The following RPS6KA3 variants were observed in gnomAD, a reference collection of about 807,000 sequenced individuals.
The protein encoded by RPS6KA3 is ribosomal protein S6 kinase alpha-3.
In RPS6KA3, 4 loss-of-function variants were observed where a neutral mutation model predicts 67.2. That is an observed-to-expected ratio of 0.06 (90% CI 0.03 to 0.14). The LOEUF is 0.14. RPS6KA3 is among the 10% of genes least tolerant of loss of function. RPS6KA3 has a pLI of 1.00. For missense variants in RPS6KA3, 204 were observed against 559.0 expected (o/e 0.36, Z 6.40); for synonymous variants, 182 against 183.7 (o/e 0.99, Z 0.07).
chrX:20,186,605 T>C (rs1345906737), intron 9 of RPS6KA3, among the ~76,000 whole-genome samples: 2 of 109,398 alleles, frequency 1.8e-5, no homozygotes, highest in African/African-American at 3.3e-5. Flanking sequence ...ATTTTATTTT[T>C]TTTTTGAGAC....
intron 2 of RPS6KA3, among the ~76,000 whole-genome samples, chrX:20,224,663 G>A (rs2069067153): frequency 9.0e-6 from 1 of 111,340 alleles, no homozygotes; most frequent in Admixed American, 9.6e-5. Context: ...AAAAGCCTAA[G>A]GTTTTAAACC....
intron 1 of RPS6KA3, among the ~76,000 whole-genome samples, chrX:20,265,146 G>T (rs2070339136): frequency 4.5e-5 from 5 of 111,578 alleles, no homozygotes; most frequent in Non-Finnish European, 9.4e-5. Flanking sequence ...GGTTTTACAA[G>T]TATGATCCAA....
At chrX:20,204,299 A>T (rs1340670778) in intron 3 of RPS6KA3, among the ~76,000 whole-genome samples, 196 bp from the exon 4 acceptor site, 2 of 112,159 alleles carry the variant, frequency 1.8e-5, no homozygotes. Flanking sequence ...ATATAAGGGA[A>T]TACATTTTTT....
chrX:20,228,382 T>C (rs1318341610), intron 2 of RPS6KA3, among the ~76,000 whole-genome samples: 1 of 111,689 alleles, frequency 9.0e-6, no homozygotes, highest in Non-Finnish European at 1.9e-5. Flanking sequence ...TGACATTTCT[T>C]CAGTCACAAC....
Position 20,266,860 on chromosome X carries a change from C to G in RPS6KA3, c.-228G>C. On this transcript the variant is annotated 5_prime_UTR_variant, in exon 1 of 22. Coordinates refer to ENST00000379565, the MANE Select transcript of RPS6KA3 (RefSeq NM_004586.3). ...GCGCCTGGCCAGAGACGCCCGCGCG[C>G]TGAGCGAGAGCCTCGCGCCTCCGCT... 2.2e-6 allele frequency: 1 copy of G among 453,368 alleles called. No homozygotes were observed. Among genetic ancestry groups the G allele is most frequent in the Non-Finnish European group, 2.7e-6 (1 of 363,819 alleles). The allele number at this position is 453,368 out of a possible 1,213,427, so 37.4% of individuals were successfully genotyped here.
At chrX:20,256,394 C>A (rs1345782690) in intron 1 of RPS6KA3, among the ~76,000 whole-genome samples, 5 of 110,112 alleles carry the variant, frequency 4.5e-5, no homozygotes, top group African/African-American at 6.6e-5. Context: ...AAAGAGGATG[C>A]AAAGATAGAG....
intron 1 of RPS6KA3, among the ~76,000 whole-genome samples, chrX:20,251,394 G>A (rs2069861121): frequency 8.9e-6 from 1 of 112,693 alleles, no homozygotes; most frequent in African/African-American, 3.2e-5. Context: ...CTCTTGCCTT[G>A]GCCTCCCAAA....
Position 20,155,305 on chromosome X carries a change from T to C in RPS6KA3, c.*93A>G. 1.0e-6 allele frequency: 1 copy of C among 992,367 alleles called. No individual in the cohort carries two copies. The highest frequency in any genetic ancestry group is 1.4e-6 in the Non-Finnish European group (1 of 696,318). 81.8% of individuals were successfully genotyped at this position (992,367 alleles called of 1,213,427 possible). A position where few individuals can be genotyped will look rare whatever the true frequency, so the allele number is the denominator to read the frequency against. ...TATGGGTACCAGCTGGGACAGTGTGTGCTTGCAGGTGTCTCTCAGATACGT... is the reference window on the plus strand; with the variant it reads ...TATGGGTACCAGCTGGGACAGTGTGCGCTTGCAGGTGTCTCTCAGATACGT... On this transcript the variant is annotated 3_prime_UTR_variant, in exon 22 of 22. Transcript: ENST00000379565.
At chrX:20,245,710 T>C (rs952765223) in intron 1 of RPS6KA3, among the ~76,000 whole-genome samples, 4 of 111,797 alleles carry the variant, frequency 3.6e-5, no homozygotes, top group Non-Finnish European at 7.5e-5. Context: ...ATGGTTCCTG[T>C]TAAAGATATA....
chrX:20,251,453 G>GT (rs1345760594), intron 1 of RPS6KA3, among the ~76,000 whole-genome samples: 2 of 112,597 alleles, frequency 1.8e-5, no homozygotes, highest in Admixed American at 9.3e-5. Flanking sequence ...GATTACAGGC[G>GT]TAAGTCTCCC....
chrX:20,242,424 TGA>T (rs1246806295), intron 1 of RPS6KA3, among the ~76,000 whole-genome samples: 1 of 111,697 alleles, frequency 9.0e-6, no homozygotes, highest in Non-Finnish European at 1.9e-5. Context: ...CCTAAGAACA[TGA>T]GTCAGGTATA....
chrX:20,266,987 G>T (rs1236281162), upstream of RPS6KA3: 8 of 750,015 alleles, frequency 1.1e-5, no homozygotes, highest in Admixed American at 1.8e-4. Context: ...GCAGAACAGC[G>T]ACCGCCGCGC....
chrX:20,155,873 T>G (rs935898159), intron 21 of RPS6KA3, among the ~76,000 whole-genome samples: 22 of 112,350 alleles, frequency 2.0e-4, no homozygotes, highest in African/African-American at 6.2e-4. Context: ...TCTGTCCTTA[T>G]TGATAGTGAA....
In RPS6KA3 at chrX:20,266,657, A is replaced by C. The variant is rs1475539358; in HGVS notation, c.-25T>G. On this transcript the variant is annotated 5_prime_UTR_variant, in exon 1 of 22. Transcript: ENST00000379565. ...TCTTCCCCCCCGGCCCGCCGCCTTC[A>C]CCGCCTCCTCCCTCCCCGCCCGCCC... 1.5e-5 allele frequency: 16 copies of C among 1,094,558 alleles called. No individual in the cohort carries two copies. The highest frequency in any genetic ancestry group is 3.6e-6 in the Non-Finnish European group (3 of 834,526). The allele number at this position is 1,094,558 out of a possible 1,213,427, so 90.2% of individuals were successfully genotyped here.
chrX:20,254,114 TTTTG>T (rs1407535113), intron 1 of RPS6KA3, among the ~76,000 whole-genome samples: 1 of 112,085 alleles, frequency 8.9e-6, no homozygotes, highest in Non-Finnish European at 1.9e-5. Context: ...GCAAATAAGG[TTTTG>T]TTTTATTTGC....
chrX:20,215,479 CTTCT>C (rs763985030), intron 2 of RPS6KA3, among the ~76,000 whole-genome samples: 5 of 111,759 alleles, frequency 4.5e-5, no homozygotes, highest in African/African-American at 6.5e-5. Flanking sequence ...TTTTCTGTTC[CTTCT>C]AAGTTTAAAT....
At chrX:20,168,044 T>C (rs1329637700) in intron 16 of RPS6KA3, among the ~76,000 whole-genome samples, 1 of 111,931 alleles carries the variant, frequency 8.9e-6, no homozygotes, top group Non-Finnish European at 1.9e-5. Flanking sequence ...GACGAGCTTT[T>C]GCTGTGTCTC....
chrX:20,254,921 T>C (rs929665908), intron 1 of RPS6KA3, among the ~76,000 whole-genome samples: 2 of 112,099 alleles, frequency 1.8e-5, no homozygotes, highest in African/African-American at 3.2e-5. Context: ...CTGGAAAAGT[T>C]TGGCAGTACC....
At chrX:20,212,465 T>A (rs1032520641) in intron 2 of RPS6KA3, among the ~76,000 whole-genome samples, 1 of 111,379 alleles carries the variant, frequency 9.0e-6, no homozygotes, top group African/African-American at 3.3e-5. Flanking sequence ...GCCACTGCAC[T>A]CCAGCCTCCT....
Sources: allele counts gnomAD v4.1 joint callset (sites outside exome capture counted in the v4.1 genomes callset), GRCh38; gene constraint gnomAD v4.1.1; transcripts MANE v1.5; gene names NCBI Gene and HGNC (gene_info 2026-07-23, HGNC 2026-07-21).